Variants in CDH1 observed in about 807,000 individuals in gnomAD.
CDH1 encodes the protein cadherin 1.
In CDH1, 35 loss-of-function variants were observed where a neutral mutation model predicts 84.5. That is an observed-to-expected ratio of 0.41 (90% CI 0.32 to 0.55). CDH1 has a LOEUF of 0.55. CDH1 is among the 20% of genes least tolerant of loss of function. The probability of loss-of-function intolerance (pLI) is 0.19; values close to 1 mark genes in which losing one functional copy is unlikely to be tolerated. For synonymous variants in CDH1, 417 were observed against 439.0 expected (o/e 0.95, Z 0.63); for missense variants, 994 against 1,126.6 (o/e 0.88, Z 1.68).
intron 2 of CDH1, among the ~76,000 whole-genome samples, chr16:68,750,054 C>T (rs1337459525): frequency 6.6e-6 from 1 of 151,600 alleles, no homozygotes; most frequent in Non-Finnish European, 1.5e-5. Context: ...TCAAGCAATC[C>T]TCCCATCTTG....
intron 2 of CDH1, among the ~76,000 whole-genome samples, chr16:68,751,493 C>CTTATTTAT (rs55979620): frequency 0.077 from 11,472 of 149,160 alleles, 769 homozygotes; most frequent in African/African-American, 0.18. Flanking sequence ...TCTTGAACCC[C>CTTATTTAT]TTATTTATTT....
At chr16:68,808,274 A>C (rs1231777540) in intron 3 of CDH1, 150 bp from the exon 4 acceptor site, 2 of 784,362 alleles carry the variant, frequency 2.5e-6, no homozygotes, top group Non-Finnish European at 4.3e-6. Flanking sequence ...GATATATATA[A>C]TTTGTCATTG....
chr16:68,738,964 T>TTTA lies in CDH1; in HGVS notation c.163+553_163+554insTTA, dbSNP rs555202424. The stretch of plus-strand genomic sequence containing the variant: ...TTTTTTTTTTTTTTTTTTTTTTTTT[T>TTTA]AAAGACAGGGTCTTGCTCTGTTGCC... On this transcript the variant is annotated intron_variant, in intron 2 of 15. Transcript: ENST00000261769. Among the ~76,000 whole-genome samples the TTTA allele has an allele frequency of 1.5e-4, 10 of 65,364 alleles. 2 individuals are homozygous for TTTA. Among genetic ancestry groups the TTTA allele is most frequent in the African/African-American group, 4.0e-4 (7 of 17,682 alleles). 42.9% of individuals were successfully genotyped at this position (65,364 alleles called of 152,430 possible).
chr16:68,822,199 A>G lies in CDH1; in HGVS notation c.1910A>G (p.Asn637Ser), dbSNP rs755482251. The G allele has an allele frequency of 6.2e-7, 1 of 1,614,068 alleles. No homozygotes were observed. Among genetic ancestry groups the G allele is most frequent in the Non-Finnish European group, 8.5e-7 (1 of 1,179,992 alleles). Residue 637 changes from asparagine to serine, a missense_variant, in exon 12 of 16, where the codon AAC becomes AGC. Coordinates refer to ENST00000261769, the MANE Select transcript of CDH1 (RefSeq NM_004360.5). ...TAELTHGASA[N>S]WTIQYNDPTQ... Reference sequence around the variant, plus strand: ...GAACTAACACACGGGGCGAGTGCCAACTGGACCATTCAGTACAACGACCCA... The same window carrying G: ...GAACTAACACACGGGGCGAGTGCCAGCTGGACCATTCAGTACAACGACCCA...
chr16:68,821,861 C>T, intron 11 of CDH1, 140 bp from the exon 12 acceptor site: 2 of 719,256 alleles, frequency 2.8e-6, no homozygotes, highest in Non-Finnish European at 5.0e-6. Flanking sequence ...ATTGGTGGGA[C>T]AGGAGGTTCT....
chr16:68,833,396 AC>A lies in CDH1; in HGVS notation c.2547del (p.Ser850ProfsTer13). On this transcript the variant is annotated frameshift_variant, in exon 16 of 16. Coordinates refer to ENST00000261769, the MANE Select transcript of CDH1 (RefSeq NM_004360.5). LOFTEE classifies it high-confidence loss of function. Reference protein sequence around the residue: ...GSEAASLSSLNSSESDKDQDY... With the variant: ...GSEAASLSSLXSSESDKDQDY... ...GAAGCTGCTAGTCTGAGCTCCCTGA[AC>A]TCCTCAGAGTCAGACAAAGACCAGG... The A allele has an allele frequency of 6.2e-7, 1 of 1,613,968 alleles. No homozygotes were observed. The highest frequency in any genetic ancestry group is 8.5e-7 in the Non-Finnish European group (1 of 1,179,938).
Position 68,738,400 on chromosome 16 carries a change from T to G in CDH1, c.152T>G (p.Val51Gly), listed in dbSNP as rs2152114479. The G allele has an allele frequency of 6.5e-7, 1 of 1,548,442 alleles. No homozygotes were observed. The change falls in exon 2 of 16, where the codon GTC (valine) becomes GGC (glycine). Residue 51 changes from valine to glycine, a missense_variant. Around this residue, in one of 3 missense-constraint regions of CDH1, gnomAD observed 203 missense variants for 194.0 expected, o/e 1.05. Transcript: ENST00000261769. ...CGGCGCCACCTGGAGAGAGGCCGCG[T>G]CCTGGGCAGAGGTGAGGGCGCGCTG... ...VPRRHLERGR[V>G]LGRVNFEDCT...
At chr16:68,798,009 G>A (rs1960408719) in intron 2 of CDH1, among the ~76,000 whole-genome samples, 1 of 152,002 alleles carries the variant, frequency 6.6e-6, no homozygotes. Context: ...AATCTGGGAG[G>A]CAGAGGTTGC....
At chr16:68,771,464 T>A (rs949421726) in intron 2 of CDH1, among the ~76,000 whole-genome samples, 10 of 152,098 alleles carry the variant, frequency 6.6e-5, no homozygotes, top group African/African-American at 1.7e-4. Flanking sequence ...TTTAAAAAAA[T>A]TTTTTGTAGC....
chr16:68,829,535 G>A, intron 14 of CDH1, 119 bp from the exon 15 acceptor site: 2 of 1,007,266 alleles, frequency 2.0e-6, no homozygotes, highest in Admixed American at 2.0e-5. Flanking sequence ...AACTGGTAAA[G>A]ATCATACAGT....
At chr16:68,831,113 C>G (rs1173136590) in intron 15 of CDH1, among the ~76,000 whole-genome samples, 2 of 116,092 alleles carry the variant, frequency 1.7e-5, no homozygotes, top group South Asian at 3.1e-4. Flanking sequence ...GAGTCTTGCT[C>G]TGTCGCCCAG....
chr16:68,818,226 C>T (rs527277148), intron 10 of CDH1, among the ~76,000 whole-genome samples: 173 of 123,538 alleles, frequency 1.4e-3, no homozygotes, highest in Non-Finnish European at 2.2e-3. Context: ...GGCGACAGAA[C>T]GAGACTCTGT....
chr16:68,737,328 G>C lies in CDH1; in HGVS notation c.-88G>C. The C allele has an allele frequency of 1.8e-6, 2 of 1,125,654 alleles. No individual in the cohort carries two copies. Among genetic ancestry groups the C allele is most frequent in the South Asian group, 2.9e-5 (2 of 69,354 alleles). The allele number at this position is 1,125,654 out of a possible 1,614,324, so 69.7% of individuals were successfully genotyped here. The stretch of plus-strand genomic sequence containing the variant: ...AACTGCAAAGCACCTGTGAGCTTGC[G>C]GAAGTCAGTTCAGACTCCAGCCCGC... On this transcript the variant is annotated 5_prime_UTR_variant, in exon 1 of 16. Coordinates refer to ENST00000261769, the MANE Select transcript of CDH1 (RefSeq NM_004360.5).
chr16:68,743,509 G>A (rs1962641655), intron 2 of CDH1, among the ~76,000 whole-genome samples: 1 of 151,910 alleles, frequency 6.6e-6, no homozygotes, highest in Non-Finnish European at 1.5e-5. Context: ...GGGATTATAG[G>A]CACGCAGAAG....
intron 2 of CDH1, among the ~76,000 whole-genome samples, chr16:68,784,663 C>CCCCCAAAGT (rs879576135): frequency 1.3e-5 from 2 of 151,972 alleles, no homozygotes; most frequent in East Asian, 1.9e-4. Context: ...CCCACCCTTT[C>CCCCCAAAGT]CCCCAAAGTC....
intron 2 of CDH1, among the ~76,000 whole-genome samples, chr16:68,760,619 A>T (rs1963141895): frequency 6.6e-6 from 1 of 152,104 alleles, no homozygotes; most frequent in Non-Finnish European, 1.5e-5. Context: ...AGACCACCAC[A>T]CACACCTTGA....
chr16:68,812,104 T>C (rs141181659), intron 7 of CDH1, 31 bp from the exon 8 acceptor site: 21 of 1,613,822 alleles, frequency 1.3e-5, no homozygotes, highest in Non-Finnish European at 1.7e-6. Flanking sequence ...GTGTTCCTGG[T>C]CCTGACTTGG....
rs779601817 is a variant in CDH1 at position 68,813,417 on chromosome 16, C to T, written c.1242C>T (p.Thr414=). The T allele has an allele frequency of 2.5e-6, 4 of 1,613,972 alleles. No homozygotes were observed. Among genetic ancestry groups the T allele is most frequent in the Admixed American group, 1.7e-5 (1 of 60,000 alleles). The change falls in exon 9 of 16, where the codon ACC becomes ACT. Residue 414 remains threonine (T), a synonymous_variant. Transcript: ENST00000261769. ...PNTPAWEAVY[T]ILNDDGGQFV... The stretch of plus-strand genomic sequence containing the variant: ...CCCCAGCGTGGGAGGCTGTATACAC[C>T]ATATTGAATGATGATGGTGGACAAT...
chr16:68,820,700 AC>A (rs1473469559), intron 11 of CDH1, among the ~76,000 whole-genome samples: 1 of 152,098 alleles, frequency 6.6e-6, no homozygotes, highest in African/African-American at 2.4e-5. Flanking sequence ...AAATGTTAAT[AC>A]CCATGTGGGT....
Sources: gnomAD v4.1 joint callset for allele counts (sites outside exome capture counted in the v4.1 genomes callset) on GRCh38, gnomAD v4.1.1 for gene constraint, gnomAD v4.1.1 regional missense constraint, MANE v1.5 for transcripts, NCBI Gene and HGNC (gene_info 2026-07-23, HGNC 2026-07-21) for gene names.